C1orf185: variants seen among roughly 807,000 people sequenced by gnomAD.
The protein encoded by C1orf185 is chromosome 1 open reading frame 185.
In C1orf185, 13 loss-of-function variants were observed where a neutral mutation model predicts 16.1. That is an observed-to-expected ratio of 0.81 (90% CI 0.53 to 1.28). The LOEUF is 1.28. C1orf185 is among the 50% of genes most tolerant of loss of function. The pLI, the probability that C1orf185 is intolerant of heterozygous loss-of-function variation, is 0.00. For synonymous variants in C1orf185, 80 were observed against 76.9 expected, an observed-to-expected ratio of 1.04 and a Z score of -0.21; for missense variants, 220 against 225.2, an observed-to-expected ratio of 0.98 and a Z score of 0.15.
At chr1:51,136,610 A>G (rs1252830190) in intron 3 of C1orf185, among the ~76,000 whole-genome samples, 3 of 152,150 alleles carry the variant, frequency 2.0e-5, no homozygotes, top group Admixed American at 1.3e-4. Context: ...CACACCTACA[A>G]TGATCTGATC....
chr1:51,129,730 C>T (rs1398823976), intron 3 of C1orf185: 1 of 152,296 alleles, frequency 6.6e-6, no homozygotes, highest in African/African-American at 2.4e-5. Context: ...TGAAGGCCCT[C>T]TTCCTGATTT....
intron 2 of C1orf185, 57 bp downstream of exon 2, chr1:51,112,626 G>A (rs1459017389): frequency 2.9e-6 from 4 of 1,403,342 alleles, no homozygotes; most frequent in African/African-American, 2.9e-5. Context: ...TTCAATAAAG[G>A]ACTTTTTCAA....
At chr1:51,111,811 C>T (rs1570290920) in intron 1 of C1orf185, among the ~76,000 whole-genome samples, 1 of 152,170 alleles carries the variant, frequency 6.6e-6, no homozygotes, top group South Asian at 2.1e-4. Flanking sequence ...TGAGCCACGG[C>T]GCCCTGCCCC....
At chr1:51,134,804 AT>A (rs1646311422) in intron 3 of C1orf185, among the ~76,000 whole-genome samples, 1 of 152,206 alleles carries the variant, frequency 6.6e-6, no homozygotes, top group Non-Finnish European at 1.5e-5. Flanking sequence ...CCAGGAAGAA[AT>A]TTAATCACTG....
chr1:51,117,659 G>C (rs1428118762), intron 2 of C1orf185, among the ~76,000 whole-genome samples: 17 of 152,054 alleles, frequency 1.1e-4, no homozygotes, highest in Admixed American at 1.1e-3. Context: ...ACACATGTAA[G>C]TTTCCTCCAT....
chr1:51,109,705 T>G (rs1290816806), intron 1 of C1orf185, among the ~76,000 whole-genome samples: 2 of 152,228 alleles, frequency 1.3e-5, no homozygotes, highest in Non-Finnish European at 2.9e-5. Context: ...GCTGTAGACA[T>G]GTAGATTTAT....
Position 51,147,652 on chromosome 1 carries a change from G to A in C1orf185, c.481G>A (p.Val161Met). 1 of 1,551,454 alleles carries A rather than the reference G, an allele frequency of 6.4e-7. No individual in the cohort carries two copies. Among genetic ancestry groups the A allele is most frequent in the Non-Finnish European group, 8.7e-7 (1 of 1,146,912 alleles). Residue 161 changes from valine to methionine, a missense_variant, in exon 5 of 5, where the codon GTG becomes ATG. Val to Met is a conservative substitution (Grantham distance 21, BLOSUM62 1). Coordinates refer to ENST00000371759, the MANE Select transcript of C1orf185 (RefSeq NM_001136508.2). The part of the protein sequence containing the change: ...ADDWFSDDSL[V>M]KRNSPMPSLG... ...TGACTGGTTTTCTGATGATTCTCTAGTGAAAAGGAACTCTCCAATGCCTTC... is the reference window on the plus strand; with the variant it reads ...TGACTGGTTTTCTGATGATTCTCTAATGAAAAGGAACTCTCCAATGCCTTC...
At chr1:51,143,355 A>G (rs938343913) in intron 3 of C1orf185, among the ~76,000 whole-genome samples, 1 of 152,178 alleles carries the variant, frequency 6.6e-6, no homozygotes, top group Non-Finnish European at 1.5e-5. Context: ...TATGAATGTA[A>G]GGAAGCAGCT....
chr1:51,133,495 AG>A (rs1174549451), intron 3 of C1orf185, among the ~76,000 whole-genome samples: 1 of 152,240 alleles, frequency 6.6e-6, no homozygotes, highest in Non-Finnish European at 1.5e-5. Flanking sequence ...CAATTTAAGA[AG>A]AAGATCTAAC....
At chr1:51,122,223 C>T (rs1464115513) in intron 3 of C1orf185, among the ~76,000 whole-genome samples, 1 of 152,012 alleles carries the variant, frequency 6.6e-6, no homozygotes, top group Non-Finnish European at 1.5e-5. Context: ...AGAGGCTATA[C>T]CTAAGAGTAG....
At chr1:51,146,795 T>A (rs1223200544) in intron 4 of C1orf185, among the ~76,000 whole-genome samples, 1 of 152,136 alleles carries the variant, frequency 6.6e-6, no homozygotes, top group Non-Finnish European at 1.5e-5. Context: ...TATAGAAGTA[T>A]ATCAAAATGC....
intron 3 of C1orf185, among the ~76,000 whole-genome samples, chr1:51,124,852 G>T (rs1417665581): frequency 1.3e-5 from 2 of 152,134 alleles, no homozygotes; most frequent in Non-Finnish European, 2.9e-5. Flanking sequence ...ATTCTGTCTG[G>T]ACAAGATCCT....
chr1:51,147,508 A>C lies in C1orf185; in HGVS notation c.337A>C (p.Lys113Gln), dbSNP rs1646408707. The change falls in exon 5 of 5, where the codon AAA becomes CAA. Residue 113 changes from lysine (K) to glutamine (Q), a missense_variant. Lys to Gln is a moderately conservative substitution (Grantham distance 53). Coordinates refer to ENST00000371759, the MANE Select transcript of C1orf185 (RefSeq NM_001136508.2). The stretch of plus-strand genomic sequence containing the variant: ...TAAAGATGAACCCCAACTTGCAACA[A>C]AAAATATCATTTGTGATCCCTCAGA... ...HSKDEPQLAT[K>Q]NIICDPSETS... The C allele has an allele frequency of 6.5e-7, 1 of 1,543,840 alleles. No individual in the cohort carries two copies.
intron 3 of C1orf185, among the ~76,000 whole-genome samples, chr1:51,119,182 T>C (rs1435343185): frequency 6.6e-6 from 1 of 152,234 alleles, no homozygotes; most frequent in Non-Finnish European, 1.5e-5. Flanking sequence ...GACAATGATG[T>C]ACTAAGCCTT....
chr1:51,147,752 T>C lies in C1orf185; in HGVS notation c.581T>C (p.Val194Ala). ...TCATTAGAAGAGGGTACTGAAAGTG[T>C]ACTGAATGACACTTTATGACCATCA... Reference protein sequence around the residue: ...TISLEEGTESVLNDTL With the variant: ...TISLEEGTESALNDTL Residue 194 changes from valine (V) to alanine (A), a missense_variant, in exon 5 of 5, where the codon GTA becomes GCA. Transcript: ENST00000371759. The C allele has an allele frequency of 6.5e-7, 1 of 1,544,874 alleles. No homozygotes were observed. Among genetic ancestry groups the C allele is most frequent in the Non-Finnish European group, 8.7e-7 (1 of 1,143,994 alleles).
intron 3 of C1orf185, among the ~76,000 whole-genome samples, chr1:51,131,896 C>A (rs1646288447): frequency 6.6e-6 from 1 of 152,122 alleles, no homozygotes; most frequent in South Asian, 2.1e-4. Flanking sequence ...ACCTCGGCGC[C>A]CCCAGCAAAG....
At chr1:51,111,809 G>A (rs1374933243) in intron 1 of C1orf185, among the ~76,000 whole-genome samples, 1 of 151,978 alleles carries the variant, frequency 6.6e-6, no homozygotes, top group Admixed American at 6.6e-5. Flanking sequence ...CGTGAGCCAC[G>A]GCGCCCTGCC....
intron 3 of C1orf185, among the ~76,000 whole-genome samples, chr1:51,137,546 T>A (rs28839613): frequency 1.3e-5 from 2 of 151,492 alleles, no homozygotes; most frequent in African/African-American, 2.4e-5. Context: ...AAATAAAAAA[T>A]AAAAAATAAC....
At chr1:51,111,619 C>T (rs568472763) in intron 1 of C1orf185, among the ~76,000 whole-genome samples, 8 of 151,714 alleles carry the variant, frequency 5.3e-5, no homozygotes, top group Non-Finnish European at 8.8e-5. Context: ...TCCCAGGTTC[C>T]AGTGATTCTC....
Sources: gnomAD v4.1 joint callset for allele counts (sites outside exome capture counted in the v4.1 genomes callset) on GRCh38, gnomAD v4.1.1 for gene constraint, MANE v1.5 for transcripts, NCBI Gene and HGNC (gene_info 2026-07-23, HGNC 2026-07-21) for gene names.